The following CFAP61 variants were observed in gnomAD, a reference collection of about 807,000 sequenced individuals.
CFAP61 encodes cilia and flagella associated protein 61.
CFAP61 carries 107 observed loss-of-function variants against 135.6 expected under a neutral mutation model. The observed-to-expected ratio is 0.79, with a 90% CI of 0.67 to 0.93. CFAP61 has a LOEUF of 0.93. Ranked by LOEUF, CFAP61 falls within the 40% of genes least tolerant of loss-of-function variation. The pLI is 0.00. For synonymous variants in CFAP61, 575 were observed against 578.5 expected, an observed-to-expected ratio of 0.99 and a Z score of 0.09; for missense variants, 1,507 against 1,556.2, an observed-to-expected ratio of 0.97 and a Z score of 0.53.
At chr20:20,140,517 C>T (rs1272382780) in intron 8 of CFAP61, among the ~76,000 whole-genome samples, 1 of 152,040 alleles carries the variant, frequency 6.6e-6, no homozygotes, top group African/African-American at 2.4e-5. Context: ...CTACAAAGGA[C>T]ATGAACTCAT....
At chr20:20,120,108 T>C (rs2049493504) in intron 8 of CFAP61, among the ~76,000 whole-genome samples, 1 of 152,254 alleles carries the variant, frequency 6.6e-6, no homozygotes, top group Non-Finnish European at 1.5e-5. Context: ...GAACAATTTA[T>C]ATTCCTTTGG....
intron 21 of CFAP61, among the ~76,000 whole-genome samples, chr20:20,274,184 C>T (rs954913085): frequency 2.0e-5 from 3 of 152,004 alleles, no homozygotes; most frequent in African/African-American, 7.3e-5. Context: ...ATAATGATAA[C>T]AATATGAGGG....
chr20:20,358,837 G>C (rs1479562468), intron 26 of CFAP61, among the ~76,000 whole-genome samples: 1 of 152,148 alleles, frequency 6.6e-6, no homozygotes. Flanking sequence ...ACAAAACCCT[G>C]CAAGGAATTG....
chr20:20,052,788 G>C, intron 1 of CFAP61, 197 bp downstream of exon 1: 1 of 1,456,610 alleles, frequency 6.9e-7, no homozygotes, highest in Non-Finnish European at 9.3e-7. Context: ...GGGAGAGCGA[G>C]GAAACTACCA....
rs756476827 is a variant in CFAP61, at chr20:20,075,596, C to T, written c.547C>T (p.Leu183=). The T allele has an allele frequency of 1.2e-6, 2 of 1,614,174 alleles. No homozygotes were observed. The highest frequency in any genetic ancestry group is 2.2e-5 in the South Asian group (2 of 91,078). Residue 183 remains leucine (L), a synonymous_variant, in exon 6 of 27, where the codon CTG becomes TTG. Coordinates refer to ENST00000245957, the MANE Select transcript of CFAP61 (RefSeq NM_015585.4). ...TCACAGGCACAGCCACTATCCTCAGCTGCACGTTCGCAAAGCCAGGTACAG... is the reference window on the plus strand; with the variant it reads ...TCACAGGCACAGCCACTATCCTCAGTTGCACGTTCGCAAAGCCAGGTACAG... ...ICHRHSHYPQ[L]HVRKARVEDH...
chr20:20,325,598 A>G (rs1167915489), intron 25 of CFAP61, among the ~76,000 whole-genome samples: 1 of 152,144 alleles, frequency 6.6e-6, no homozygotes, highest in Non-Finnish European at 1.5e-5. Flanking sequence ...GATATACCAC[A>G]GTTTGTTTAT....
chr20:20,263,035 C>T lies in CFAP61; in HGVS notation c.2408C>T (p.Thr803Met), dbSNP rs780255308. Reference sequence around the variant, plus strand: ...CCCAACAGCAGTCAGCGGCGGTACACGGGGAAAGTTCCTTGCAACCATTTC... The same window carrying T: ...CCCAACAGCAGTCAGCGGCGGTACATGGGGAAAGTTCCTTGCAACCATTTC... ...EVPNSSQRRY[T>M]GKVPCNHFTL... is the part of the protein sequence containing the mutation. The change falls in exon 21 of 27, where the codon ACG (threonine) becomes ATG (methionine). Residue 803 changes from threonine (T) to methionine (M), a missense_variant. Transcript: ENST00000245957. 34 of 1,613,760 alleles carry T rather than the reference C, an allele frequency of 2.1e-5. No individual in the cohort carries two copies. The Admixed American group carries it at 3.2e-4, about 15-fold the overall frequency.
At position 20,302,325 on chromosome 20, in the gene CFAP61, G is replaced by T. The variant is rs1364460093; in HGVS notation, c.3422+3939G>T. On this transcript the variant is annotated intron_variant, in intron 25 of 26. Coordinates refer to ENST00000245957, the MANE Select transcript of CFAP61 (RefSeq NM_015585.4). Reference sequence around the variant, plus strand: ...TTTCTTCTTTTCCAACTTTTATACTGTTTATTTCCTTTTCTTGCCTTACTG... The same window carrying T: ...TTTCTTCTTTTCCAACTTTTATACTTTTTATTTCCTTTTCTTGCCTTACTG... Among the ~76,000 whole-genome samples the T allele has an allele frequency of 5.3e-5, 8 of 152,186 alleles. No homozygotes were observed. The South Asian group carries it at 8.3e-4, about 16-fold the overall frequency.
In CFAP61 at chr20:20,074,285, T is replaced by G. The variant is rs765940783; in HGVS notation, c.295-17T>G. 6.2e-7 allele frequency: 1 copy of G among 1,612,130 alleles called. No homozygotes were observed. The highest frequency in any genetic ancestry group is 1.1e-5 in the South Asian group (1 of 91,056). ...TACTGACTCAGCCTTTAATCCGTGT[T>G]CTCTCTTCTTCTGCAGCCCCTGAAT... On this transcript the variant is annotated splice_polypyrimidine_tract_variant and intron_variant, in intron 3 of 26. Transcript: ENST00000245957.
chr20:20,315,118 T>C (rs894735230), intron 25 of CFAP61, among the ~76,000 whole-genome samples: 2 of 150,712 alleles, frequency 1.3e-5, no homozygotes. Flanking sequence ...CCACACTGAC[T>C]TCCACAAGGA....
At position 20,075,275 on chromosome 20, in the gene CFAP61, C is replaced by T. The variant is rs762438394; in HGVS notation, c.439+19C>T. The T allele has an allele frequency of 1.2e-6, 2 of 1,611,352 alleles. No homozygotes were observed. Among genetic ancestry groups the T allele is most frequent in the East Asian group, 4.5e-5 (2 of 44,866 alleles). On this transcript the variant is annotated intron_variant, in intron 5 of 26. Coordinates refer to ENST00000245957, the MANE Select transcript of CFAP61 (RefSeq NM_015585.4). Reference sequence around the variant, plus strand: ...AGCCTAGGTAAGGCCCGCCCAACCACCTCTGGTCCCCGGTAGCAAACATTG... The same window carrying T: ...AGCCTAGGTAAGGCCCGCCCAACCATCTCTGGTCCCCGGTAGCAAACATTG...
At chr20:20,268,419 T>G (rs1392394893) in intron 21 of CFAP61, among the ~76,000 whole-genome samples, 1 of 152,178 alleles carries the variant, frequency 6.6e-6, no homozygotes, top group Non-Finnish European at 1.5e-5. Context: ...GGCTCTCCTT[T>G]GAACTTCTAC....
chr20:20,345,497 A>G (rs1481183997), intron 26 of CFAP61, among the ~76,000 whole-genome samples: 5 of 152,228 alleles, frequency 3.3e-5, no homozygotes, highest in South Asian at 2.1e-4. Flanking sequence ...GTTCAATCCC[A>G]TTAACTATCA....
chr20:20,074,035 G>A, intron 3 of CFAP61: 1 of 470,910 alleles, frequency 2.1e-6, no homozygotes. Context: ...CATTCGTGAG[G>A]GCAGGAGGAA....
At chr20:20,161,893 G>A (rs2053435733) in intron 10 of CFAP61, among the ~76,000 whole-genome samples, 1 of 40,674 alleles carries the variant, frequency 2.5e-5, no homozygotes, top group Admixed American at 1.9e-4. Flanking sequence ...AATGCCAGGA[G>A]CCAGGCCTTG....
At chr20:20,254,706 A>G (rs2051377915) in intron 20 of CFAP61, among the ~76,000 whole-genome samples, 1 of 152,174 alleles carries the variant, frequency 6.6e-6, no homozygotes, top group African/African-American at 2.4e-5. Flanking sequence ...GTGATTTTCT[A>G]AAAAACAAAT....
At chr20:20,303,989 C>T (rs1006532939) in intron 25 of CFAP61, among the ~76,000 whole-genome samples, 5 of 152,150 alleles carry the variant, frequency 3.3e-5, no homozygotes, top group Admixed American at 2.6e-4. Flanking sequence ...ACGGTGGCAG[C>T]CCTGCGGGTC....
intron 17 of CFAP61, among the ~76,000 whole-genome samples, chr20:20,217,673 G>A (rs1031858338): frequency 6.6e-6 from 1 of 152,166 alleles, no homozygotes; most frequent in Non-Finnish European, 1.5e-5. Context: ...ATATTCCCTG[G>A]GGGAACAGAA....
intron 17 of CFAP61, among the ~76,000 whole-genome samples, chr20:20,208,068 C>T (rs778036005): frequency 5.3e-5 from 8 of 152,192 alleles, no homozygotes; most frequent in East Asian, 1.9e-4. Flanking sequence ...CATCCTGTCC[C>T]GGATGATCTC....
Sources: gnomAD v4.1 joint callset for allele counts (sites outside exome capture counted in the v4.1 genomes callset) on GRCh38, gnomAD v4.1.1 for gene constraint, MANE v1.5 for transcripts, NCBI Gene and HGNC (gene_info 2026-07-23, HGNC 2026-07-21) for gene names.